The following CCDC7 variants were observed in gnomAD, a reference collection of about 807,000 sequenced individuals.
The protein encoded by CCDC7 is coiled-coil domain containing 7.
CCDC7 carries 183 observed loss-of-function variants against 196.9 expected under a neutral mutation model. That is an observed-to-expected ratio of 0.93 (90% CI 0.82 to 1.05). CCDC7 has a LOEUF of 1.05. Ranked by LOEUF, CCDC7 falls within the 50% of genes least tolerant of loss-of-function variation. The pLI, the probability that CCDC7 is intolerant of heterozygous loss-of-function variation, is 0.00. For synonymous variants in CCDC7, 525 were observed against 484.6 expected, an observed-to-expected ratio of 1.08 and a Z score of -1.10; for missense variants, 1,540 against 1,482.2, an observed-to-expected ratio of 1.04 and a Z score of -0.64.
intron 41 of CCDC7, among the ~76,000 whole-genome samples, chr10:32,866,565 G>A (rs1383474420): frequency 6.6e-6 from 1 of 150,488 alleles, no homozygotes; most frequent in Non-Finnish European, 1.5e-5. Context: ...ATAAATAGTT[G>A]AACAAAATAA....
chr10:32,744,139 T>TAA (rs11453717), intron 28 of CCDC7, among the ~76,000 whole-genome samples: 2 of 144,596 alleles, frequency 1.4e-5, no homozygotes, highest in South Asian at 2.2e-4. Context: ...AAGTATAATT[T>TAA]AAAAAAAAAG....
intron 8 of CCDC7, among the ~76,000 whole-genome samples, chr10:32,478,399 A>G (rs1012120863): frequency 1.3e-5 from 2 of 152,158 alleles, no homozygotes; most frequent in Non-Finnish European, 2.9e-5. Context: ...TTAGGGAGGA[A>G]GCATTTAGGA....
chr10:32,512,341 T>G (rs916943370), intron 9 of CCDC7: 2 of 152,342 alleles, frequency 1.3e-5, no homozygotes, highest in African/African-American at 4.8e-5. Context: ...GAGGCATAGA[T>G]GTTACAAGTG....
chr10:32,551,628 A>T (rs1269845191), intron 13 of CCDC7, among the ~76,000 whole-genome samples: 1 of 152,010 alleles, frequency 6.6e-6, no homozygotes, highest in Non-Finnish European at 1.5e-5. Context: ...AGAATTTTTA[A>T]ATTTCCATCT....
chr10:32,535,097 C>T (rs1483415717), intron 11 of CCDC7, among the ~76,000 whole-genome samples: 2 of 151,000 alleles, frequency 1.3e-5, no homozygotes, highest in Non-Finnish European at 3.0e-5. Context: ...CTACCATCTG[C>T]CCGGAGTTTT....
At chr10:32,723,612 C>T (rs1397762335) in intron 25 of CCDC7, among the ~76,000 whole-genome samples, 1 of 152,078 alleles carries the variant, frequency 6.6e-6, no homozygotes, top group East Asian at 1.9e-4. Flanking sequence ...TGCAGCCTTT[C>T]ATCCCAGTCC....
intron 8 of CCDC7, among the ~76,000 whole-genome samples, chr10:32,484,738 T>C (rs1411118936): frequency 6.6e-6 from 1 of 152,232 alleles, no homozygotes; most frequent in Non-Finnish European, 1.5e-5. Context: ...AGGCCTTTTC[T>C]GCATCTATTG....
exon 36 of CCDC7, chr10:32,845,901 T>A (rs2093269334): frequency 1.2e-6 from 2 of 1,611,786 alleles, no homozygotes; most frequent in East Asian, 4.5e-5. Flanking sequence ...TCTTGGCAGA[T>A]GCTATTGGAA....
At chr10:32,744,191 A>T (rs2074309182) in intron 28 of CCDC7, among the ~76,000 whole-genome samples, 2 of 152,124 alleles carry the variant, frequency 1.3e-5, no homozygotes, top group South Asian at 4.2e-4. Flanking sequence ...CTATATGGGT[A>T]CTAAATCTAA....
chr10:32,573,357 T>G (rs1209706662), intron 16 of CCDC7, among the ~76,000 whole-genome samples: 1 of 152,210 alleles, frequency 6.6e-6, no homozygotes, highest in African/African-American at 2.4e-5. Flanking sequence ...ATTTAGTTGC[T>G]GCTGATAAAT....
chr10:32,771,131 C>T (rs1036275428), intron 28 of CCDC7, among the ~76,000 whole-genome samples: 8 of 151,976 alleles, frequency 5.3e-5, no homozygotes, highest in Non-Finnish European at 1.2e-4. Context: ...TAATTGTTAC[C>T]TGATTTTTTA....
At chr10:32,825,069 C>G (rs931214751) in intron 32 of CCDC7, among the ~76,000 whole-genome samples, 2 of 152,162 alleles carry the variant, frequency 1.3e-5, no homozygotes, top group Non-Finnish European at 2.9e-5. Context: ...AAAAATTATA[C>G]TACTGCATTT....
intron 10 of CCDC7, 143 bp from the exon 12 acceptor site, chr10:32,518,271 TTG>T (rs764770377): frequency 1.5e-4 from 127 of 820,726 alleles, no homozygotes; most frequent in Admixed American, 2.1e-4. Flanking sequence ...GCTCCAATTA[TTG>T]TGTCACTCTA....
chr10:32,784,794 G>A (rs934896326), intron 29 of CCDC7, among the ~76,000 whole-genome samples: 1 of 152,068 alleles, frequency 6.6e-6, no homozygotes, highest in African/African-American at 2.4e-5. Flanking sequence ...CCGAGGTCAG[G>A]AGTTCGAGAC....
chr10:32,543,218 A>G lies in CCDC7; in HGVS notation c.994-82A>G, dbSNP rs539630962. ...TAGTGACTCTCAGAGTAAAATGTAC[A>G]TTAATAATGTATATTATCATATCTT... On this transcript the variant is annotated intron_variant, in intron 11 of 41. Transcript: ENST00000639629. The G allele has an allele frequency of 1.8e-3, 2,183 of 1,189,522 alleles. 5 individuals carry two copies. The highest frequency in any genetic ancestry group is 1.7e-3 in the Non-Finnish European group (1,599 of 918,102). The allele number at this position is 1,189,522 out of a possible 1,614,324, so 73.7% of individuals were successfully genotyped here.
At chr10:32,636,798 C>T (rs940306140) in intron 20 of CCDC7, among the ~76,000 whole-genome samples, 4 of 152,178 alleles carry the variant, frequency 2.6e-5, no homozygotes, top group Non-Finnish European at 5.9e-5. Flanking sequence ...CCTGAAGAAT[C>T]GCCACACAGA....
chr10:32,788,245 G>A (rs2082159911), intron 29 of CCDC7, among the ~76,000 whole-genome samples: 1 of 151,882 alleles, frequency 6.6e-6, no homozygotes, highest in Admixed American at 6.5e-5. Context: ...TGTACCTGAG[G>A]CTCCAAGCCT....
chr10:32,484,941 A>T (rs1174382142), intron 8 of CCDC7, among the ~76,000 whole-genome samples: 1 of 152,144 alleles, frequency 6.6e-6, no homozygotes, highest in South Asian at 2.1e-4. Flanking sequence ...TTCATCAGGG[A>T]TATTGGTCTA....
chr10:32,451,878 C>T (rs2033154663), exon 1 of CCDC7: 1 of 1,612,268 alleles, frequency 6.2e-7, no homozygotes, highest in Non-Finnish European at 8.5e-7. Context: ...AACTTACTAC[C>T]AGAAGATGAA....
Sources: gnomAD v4.1 joint callset for allele counts (sites outside exome capture counted in the v4.1 genomes callset) on GRCh38, gnomAD v4.1.1 for gene constraint, MANE v1.5 for transcripts, NCBI Gene and HGNC (gene_info 2026-07-23, HGNC 2026-07-21) for gene names.